PPP1R37: variants seen among roughly 807,000 people sequenced by gnomAD.
PPP1R37 encodes protein phosphatase 1 regulatory subunit 37.
PPP1R37 carries 21 observed loss-of-function variants against 61.0 expected under a neutral mutation model. The observed-to-expected ratio is 0.34, with a 90% CI of 0.24 to 0.50. The LOEUF is 0.50. Ranked by LOEUF, PPP1R37 falls within the 20% of genes least tolerant of loss-of-function variation. The pLI is 0.98. For missense variants in PPP1R37, 910 were observed against 952.7 expected, an observed-to-expected ratio of 0.96 and a Z score of 0.59; for synonymous variants, 443 against 433.5, an observed-to-expected ratio of 1.02 and a Z score of -0.27.
intron 7 of PPP1R37, chr19:45,142,865 C>T: frequency 4.7e-6 from 1 of 211,170 alleles, no homozygotes; most frequent in Non-Finnish European, 9.6e-6. Flanking sequence ...CATCCGGAGG[C>T]TGGGAGCAGA....
At chr19:45,141,285 C>G in intron 4 of PPP1R37, 37 bp from the exon 5 acceptor site, 1 of 1,521,206 alleles carries the variant, frequency 6.6e-7, no homozygotes, top group Non-Finnish European at 8.8e-7. Context: ...CAGGGCAGCC[C>G]AGAGCTGAGG....
chr19:45,111,972 C>CT lies in PPP1R37; in HGVS notation c.202+18456dup, dbSNP rs1001922374. ...CTGGGTCTTGGTTTTTCTTTTCTTT[C>CT]TTTTTTTTTTTCTTTTGAGACAGTC... On this transcript the variant is annotated intron_variant, in intron 1 of 12. Transcript: ENST00000221462. Among the ~76,000 whole-genome samples, 128 of 146,096 alleles carry CT rather than the reference C, an allele frequency of 8.8e-4. 1 individual carries two copies. The highest frequency in any genetic ancestry group is 2.4e-3 in the East Asian group (12 of 5,040).
intron 1 of PPP1R37, among the ~76,000 whole-genome samples, chr19:45,122,553 A>G (rs868752213): frequency 2.0e-5 from 3 of 152,152 alleles, no homozygotes; most frequent in South Asian, 2.1e-4. Context: ...AGTGCCACCT[A>G]GAGAAGGAAG....
chr19:45,141,461 CA>C lies in PPP1R37; in HGVS notation c.567+21del, dbSNP rs1968610797. Reference sequence around the variant, plus strand: ...CGCAAGGTGGGCGCCTCTCGGCTTCCAGGAAGAGGCAGCTCAGGCTCCCAGC... The same window carrying C: ...CGCAAGGTGGGCGCCTCTCGGCTTCCGGAAGAGGCAGCTCAGGCTCCCAGC... On this transcript the variant is annotated intron_variant, in intron 5 of 12. Transcript: ENST00000221462. 1 of 1,509,824 alleles carries C rather than the reference CA, an allele frequency of 6.6e-7. No homozygotes were observed. The highest frequency in any genetic ancestry group is 8.9e-7 in the Non-Finnish European group (1 of 1,128,808). 93.5% of individuals were successfully genotyped at this position (1,509,824 alleles called of 1,614,324 possible). A position where few individuals can be genotyped will look rare whatever the true frequency, so the allele number is the denominator to read the frequency against.
At chr19:45,105,399 G>A (rs993486796) in intron 1 of PPP1R37, among the ~76,000 whole-genome samples, 2 of 152,110 alleles carry the variant, frequency 1.3e-5, no homozygotes, top group South Asian at 2.1e-4. Context: ...GATGGTGCCC[G>A]GGGTCCTTTC....
chr19:45,117,510 C>G (rs1968284647), intron 1 of PPP1R37, among the ~76,000 whole-genome samples: 1 of 152,114 alleles, frequency 6.6e-6, no homozygotes, highest in Admixed American at 6.5e-5. Flanking sequence ...TGCACGGTCT[C>G]CTAAGCTAAT....
intron 8 of PPP1R37, chr19:45,144,189 T>G (rs1968652572): frequency 6.6e-6 from 1 of 152,456 alleles, no homozygotes; most frequent in Non-Finnish European, 1.5e-5. Flanking sequence ...AATTTTTTTG[T>G]ATTTTTTTAG....
At chr19:45,115,536 C>A (rs189768505) in intron 1 of PPP1R37, among the ~76,000 whole-genome samples, 2 of 152,100 alleles carry the variant, frequency 1.3e-5, no homozygotes, top group African/African-American at 4.8e-5. Context: ...GGCTCGAATC[C>A]CGGCTCTGAC....
chr19:45,104,319 G>A (rs1279072227), intron 1 of PPP1R37, among the ~76,000 whole-genome samples: 2 of 152,208 alleles, frequency 1.3e-5, no homozygotes, highest in African/African-American at 2.4e-5. Flanking sequence ...TGGGAGGGGT[G>A]GAACCACTGA....
At position 45,121,802 on chromosome 19, in the gene PPP1R37, C is replaced by T. The variant is rs73034815; in HGVS notation, c.203-16712C>T. Among the ~76,000 whole-genome samples, 2,199 of 152,286 alleles carry T rather than the reference C, an allele frequency of 0.014. 27 individuals are homozygous for T. Among genetic ancestry groups the T allele is most frequent in the Middle Eastern group, 0.058 (17 of 294 alleles). ...CTACATATCAGGCTGCCCTGGGGCC[C>T]CTTTCAGTAAAGATACTCCCCTGAG... On this transcript the variant is annotated intron_variant, in intron 1 of 12. Transcript: ENST00000221462. This position sits in a 1 kb window ranked among gnomAD's most constrained non-coding sequence, Gnocchi z 4.2.
At chr19:45,113,239 G>C (rs1355939989) in intron 1 of PPP1R37, among the ~76,000 whole-genome samples, 1 of 152,232 alleles carries the variant, frequency 6.6e-6, no homozygotes, top group African/African-American at 2.4e-5. Flanking sequence ...AAAAAAAGTA[G>C]AAAAGGCCAG....
At position 45,093,471 on chromosome 19, in the gene PPP1R37, C is replaced by T; in HGVS notation, c.146C>T (p.Pro49Leu). 1.3e-6 allele frequency: 2 copies of T among 1,535,556 alleles called. No homozygotes were observed. Among genetic ancestry groups the T allele is most frequent in the Non-Finnish European group, 1.7e-6 (2 of 1,146,750 alleles). ...LKAAAKRVTF[P>L]SDEDIVSGAV... The stretch of plus-strand genomic sequence containing the variant: ...GCTGCAGCCAAGCGCGTCACATTCC[C>T]GTCCGACGAGGATATCGTGTCTGGA... Residue 49 changes from proline to leucine, a missense_variant, in exon 1 of 13, where the codon CCG (proline) becomes CTG (leucine). Transcript: ENST00000221462.
chr19:45,105,278 C>A (rs192066800), intron 1 of PPP1R37, among the ~76,000 whole-genome samples: 14 of 152,214 alleles, frequency 9.2e-5, no homozygotes, highest in African/African-American at 3.1e-4. Flanking sequence ...CCTCTGGTAT[C>A]CCCCCGCCAG....
At chr19:45,105,492 T>A (rs1968118531) in intron 1 of PPP1R37, among the ~76,000 whole-genome samples, 1 of 152,122 alleles carries the variant, frequency 6.6e-6, no homozygotes, top group Admixed American at 6.5e-5. Context: ...ACCTCCTCCC[T>A]GTCACGGGGT....
At chr19:45,136,440 G>A (rs985595805) in intron 1 of PPP1R37, 5 of 152,196 alleles carry the variant, frequency 3.3e-5, no homozygotes, top group Admixed American at 6.5e-5. Context: ...GCCCTTTGGG[G>A]GTCAAATGGT....
chr19:45,104,183 G>A (rs529960691), intron 1 of PPP1R37, among the ~76,000 whole-genome samples: 3 of 152,204 alleles, frequency 2.0e-5, no homozygotes, highest in African/African-American at 4.8e-5. Context: ...TCTAATCCCC[G>A]GACAAAGCTC....
At chr19:45,122,734 CTG>C (rs911975609) in intron 1 of PPP1R37, among the ~76,000 whole-genome samples, 91 of 152,174 alleles carry the variant, frequency 6.0e-4, no homozygotes, top group African/African-American at 2.0e-3. Context: ...CCCTGAGGCA[CTG>C]TGTCCAGATG....
chr19:45,143,421 C>T, intron 7 of PPP1R37, 100 bp from the exon 8 acceptor site: 1 of 675,258 alleles, frequency 1.5e-6, no homozygotes, highest in East Asian at 2.8e-5. Context: ...GCGGGGCCTC[C>T]ATGGAGGTCC....
At chr19:45,105,484 C>G in intron 1 of PPP1R37, among the ~76,000 whole-genome samples, 1 of 152,112 alleles carries the variant, frequency 6.6e-6, no homozygotes, top group Non-Finnish European at 1.5e-5. Flanking sequence ...ATCCCAGGAC[C>G]TCCTCCCTGT....
Sources: allele counts gnomAD v4.1 joint callset (sites outside exome capture counted in the v4.1 genomes callset), GRCh38; gene constraint gnomAD v4.1.1; non-coding constraint Gnocchi (gnomAD v3.1); transcripts MANE v1.5; gene names NCBI Gene and HGNC (gene_info 2026-07-23, HGNC 2026-07-21).